EPB41L3: variants seen among roughly 807,000 people sequenced by gnomAD.
EPB41L3 encodes the protein band 4.1-like protein 3.
A neutral mutation model predicts 127.1 loss-of-function variants in EPB41L3; 57 were observed. The ratio of observed to expected loss-of-function variants is 0.45; its 90% CI spans 0.36 to 0.56. EPB41L3 has a LOEUF of 0.56. Among genes scored for constraint, EPB41L3 ranks in the 20% least tolerant of loss-of-function variants. The pLI, the probability that EPB41L3 is intolerant of heterozygous loss-of-function variation, is 0.00. For synonymous variants in EPB41L3, 572 were observed against 549.5 expected (o/e 1.04, Z -0.57); for missense variants, 1,273 against 1,372.2 (o/e 0.93, Z 1.14).
rs1392546902 is a variant in EPB41L3 at position 5,397,724 on chromosome 18, C to T, written c.2472+297G>A. Among the ~76,000 whole-genome samples the T allele has an allele frequency of 1.3e-5, 2 of 152,272 alleles. No homozygotes were observed. The highest frequency in any genetic ancestry group is 2.1e-4 in the South Asian group (1 of 4,816). The stretch of plus-strand genomic sequence containing the variant: ...AAACCAAAGCATTGCAGCGCATTCA[C>T]GTTGGTTTTGGCTGCTTTCTTAGAC... On this transcript the variant is annotated intron_variant, in intron 17 of 22. Coordinates refer to ENST00000341928, the MANE Select transcript of EPB41L3 (RefSeq NM_012307.5). This position sits in a 1 kb window ranked among gnomAD's most constrained non-coding sequence, Gnocchi z 4.1.
chr18:5,442,543 T>G (rs1421831639), intron 5 of EPB41L3, among the ~76,000 whole-genome samples: 1 of 152,168 alleles, frequency 6.6e-6, no homozygotes, highest in Non-Finnish European at 1.5e-5. Context: ...CTCACGACTT[T>G]CAAAGGCACT....
chr18:5,506,887 T>A (rs935746129), intron 1 of EPB41L3, among the ~76,000 whole-genome samples: 1 of 152,202 alleles, frequency 6.6e-6, no homozygotes, highest in African/African-American at 2.4e-5. Flanking sequence ...CTTTGTATTA[T>A]AGGTAATTTC....
At chr18:5,398,723 T>A (rs1416090405) in intron 16 of EPB41L3, 3 of 399,240 alleles carry the variant, frequency 7.5e-6, no homozygotes, top group African/African-American at 2.1e-5. Context: ...CCTGGGAATA[T>A]CTCCATTCGG....
chr18:5,463,070 C>A (rs1208378791), intron 3 of EPB41L3, among the ~76,000 whole-genome samples: 1 of 152,172 alleles, frequency 6.6e-6, no homozygotes, highest in Non-Finnish European at 1.5e-5. Context: ...ATCAGGCCTG[C>A]TCCTTTTCAG....
chr18:5,395,050 C>T lies in EPB41L3; in HGVS notation c.3153+17G>A, dbSNP rs368350627. 29 of 1,611,636 alleles carry T rather than the reference C, an allele frequency of 1.8e-5. No individual in the cohort carries two copies. In the African/African-American group the frequency reaches 1.9e-4, roughly 10 times the overall value. ...TTTGTTTCTCTGCCAGGGTATTTAC[C>T]GTCTCACACACACTACCTGGTCATG... On this transcript the variant is annotated intron_variant, in intron 21 of 22. Transcript: ENST00000341928.
rs2092689734 is a variant in EPB41L3, at chr18:5,514,853, TTC to T, written c.-11-25661_-11-25660del. 2.6e-5 allele frequency among the ~76,000 whole-genome samples: 4 copies of T among 152,336 alleles called. No homozygotes were observed. The South Asian group carries it at 8.3e-4, about 32-fold the overall frequency. On this transcript the variant is annotated intron_variant, in intron 1 of 22. Coordinates refer to ENST00000341928, the MANE Select transcript of EPB41L3 (RefSeq NM_012307.5). The stretch of plus-strand genomic sequence containing the variant: ...ACAGGGTACAGCTGCACCCATAATA[TTC>T]TCTTTTTCCAAATTACAGGTATATA...
intron 1 of EPB41L3, among the ~76,000 whole-genome samples, chr18:5,527,465 T>TATATATTTA (rs1277214820): frequency 2.7e-4 from 41 of 152,354 alleles, no homozygotes; most frequent in African/African-American, 8.9e-4. Context: ...TTTAAACGAC[T>TATATATTTA]CTTTCATTTG....
chr18:5,547,988 T>C (rs949428704), upstream of EPB41L3, among the ~76,000 whole-genome samples: 2 of 152,218 alleles, frequency 1.3e-5, no homozygotes, highest in East Asian at 1.9e-4. Context: ...GAGCAAACCC[T>C]ACAAATGCCA....
rs9953952 is a variant in EPB41L3, at chr18:5,437,042, C to T, written c.605+993G>A. On this transcript the variant is annotated intron_variant, in intron 6 of 22. Transcript: ENST00000341928. ...GCTTTGACTGGTCATAAACTTACTA[C>T]GGAGCTGAGCAAGAGAGTAGGGGTT... Among the ~76,000 whole-genome samples, 324 of 152,288 alleles carry T rather than the reference C, an allele frequency of 2.1e-3. 1 individual carries two copies. The highest frequency in any genetic ancestry group is 7.2e-3 in the African/African-American group (299 of 41,552).
intron 3 of EPB41L3, among the ~76,000 whole-genome samples, chr18:5,603,328 T>C (rs1308988841): frequency 6.6e-6 from 1 of 152,100 alleles, no homozygotes; most frequent in Non-Finnish European, 1.5e-5. Context: ...ACCCAAATCA[T>C]GGGAGGTTCT....
intron 1 of EPB41L3, among the ~76,000 whole-genome samples, chr18:5,541,795 G>C (rs942335961): frequency 1.3e-5 from 2 of 152,176 alleles, no homozygotes; most frequent in Non-Finnish European, 2.9e-5. Flanking sequence ...ACTGACATTT[G>C]ACCTACAGCT....
intron 3 of EPB41L3, chr18:5,610,258 A>T (rs1174801524): frequency 1.0e-6 from 1 of 985,306 alleles, no homozygotes; most frequent in Non-Finnish European, 1.2e-6. Context: ...AGAGAAAAAA[A>T]TACTTTAGAC....
At chr18:5,602,638 G>A (rs1292719930) in intron 3 of EPB41L3, among the ~76,000 whole-genome samples, 5 of 152,144 alleles carry the variant, frequency 3.3e-5, no homozygotes, top group African/African-American at 1.2e-4. Flanking sequence ...TAAAGACGAG[G>A]TTTCACTTTG....
At chr18:5,620,792 G>C (rs2094851999) in intron 1 of EPB41L3, among the ~76,000 whole-genome samples, 1 of 152,066 alleles carries the variant, frequency 6.6e-6, no homozygotes, top group Non-Finnish European at 1.5e-5. Flanking sequence ...CCCAGGTAAA[G>C]AGAAAAGGAA....
Position 5,395,622 on chromosome 18 carries a change from G to A in EPB41L3, c.3059C>T (p.Thr1020Met), listed in dbSNP as rs527461275. The A allele has an allele frequency of 7.4e-6, 12 of 1,613,894 alleles. No individual in the cohort carries two copies. Among genetic ancestry groups the A allele is most frequent in the African/African-American group, 5.3e-5 (4 of 75,024 alleles). ...CACTCCACTTACTTTGGTGATGTGC[G>A]TAGTGGTGGTGGTACTGGTGGTTTC... ...TSETTSTTTT[T>M]HITKTVKGGI... The change falls in exon 20 of 23, where the codon ACG becomes ATG. Residue 1020 changes from threonine (T) to methionine (M), a missense_variant. Transcript: ENST00000341928.
Position 5,460,913 on chromosome 18 carries a change from T to C in EPB41L3, c.382-15669A>G, listed in dbSNP as rs1253919365. On this transcript the variant is annotated intron_variant, in intron 3 of 22. Coordinates refer to ENST00000341928, the MANE Select transcript of EPB41L3 (RefSeq NM_012307.5). ...CTTTGTTATACTGGGTGCATTTATG[T>C]AAAACAGCCTAAGTCCTTGCTAGAA... 2.0e-5 allele frequency among the ~76,000 whole-genome samples: 3 copies of C among 152,204 alleles called. No individual in the cohort carries two copies. The East Asian group carries it at 5.8e-4, about 29-fold the overall frequency.
intron 3 of EPB41L3, among the ~76,000 whole-genome samples, chr18:5,462,658 G>A (rs1349916801): frequency 1.3e-5 from 2 of 152,228 alleles, no homozygotes; most frequent in East Asian, 3.9e-4. Flanking sequence ...TGTCAAAGCT[G>A]TCCCCACTCC....
chr18:5,447,620 G>C (rs143453196), intron 3 of EPB41L3, among the ~76,000 whole-genome samples: 1 of 151,980 alleles, frequency 6.6e-6, no homozygotes, highest in African/African-American at 2.4e-5. Flanking sequence ...ATTTTCTGAC[G>C]CAAGAGACCA....
In EPB41L3 at chr18:5,617,569, C is replaced by T. The variant is rs535547356; in HGVS notation, c.-467-3146G>A. ...TCCTGACCTCGCGATCCGCCCGCCT[C>T]GGCCTCCCAAAGTGCTGGGATTACA... On this transcript the variant is annotated intron_variant, in intron 1 of 21. Transcript: ENST00000545076. Among the ~76,000 whole-genome samples, 36 of 152,292 alleles carry T rather than the reference C, an allele frequency of 2.4e-4. No homozygotes were observed. The South Asian group carries it at 6.6e-3, about 28-fold the overall frequency.
Sources: gnomAD v4.1 joint callset for allele counts (sites outside exome capture counted in the v4.1 genomes callset) on GRCh38, gnomAD v4.1.1 for gene constraint, Gnocchi (gnomAD v3.1) non-coding constraint, MANE v1.5 for transcripts, NCBI Gene and HGNC (gene_info 2026-07-23, HGNC 2026-07-21) for gene names.